Variants in B3GALNT2 observed in about 807,000 individuals in gnomAD.
The protein encoded by B3GALNT2 is beta-1,3-N-acetylgalactosaminyltransferase 2.
Under a neutral mutation model 61.1 loss-of-function variants are expected in B3GALNT2, and 53 were observed. The observed-to-expected ratio is 0.87, with a 90% CI of 0.70 to 1.09. B3GALNT2 has a LOEUF of 1.09. Ranked by LOEUF, B3GALNT2 falls within the 50% of genes least tolerant of loss-of-function variation. The pLI, the probability that B3GALNT2 is intolerant of heterozygous loss-of-function variation, is 0.00. For missense variants in B3GALNT2, 544 were observed against 623.0 expected, an observed-to-expected ratio of 0.87 and a Z score of 1.35; for synonymous variants, 223 against 237.4, an observed-to-expected ratio of 0.94 and a Z score of 0.56.
In B3GALNT2 at chr1:235,458,771, AAG is replaced by A; in HGVS notation, c.855_856del (p.Leu286ThrfsTer12). On this transcript the variant is annotated frameshift_variant, in exon 8 of 12. Transcript: ENST00000366600. LOFTEE classifies it high-confidence loss of function. ...TTGAGGGCGAGAATGAAGGTTGTGT[AAG>A]AGAGCATCACCTTCTATAAAGGAAA... 1 of 1,595,528 alleles carries A rather than the reference AAG, an allele frequency of 6.3e-7. No individual in the cohort carries two copies. Among genetic ancestry groups the A allele is most frequent in the Non-Finnish European group, 8.5e-7 (1 of 1,173,654 alleles).
chr1:235,496,359 T>C, intron 1 of B3GALNT2: 2 of 981,106 alleles, frequency 2.0e-6, no homozygotes, highest in Non-Finnish European at 2.5e-6. Flanking sequence ...GTATTTATTA[T>C]TTCACTCTAC....
At chr1:235,498,721 G>A (rs1256641395) in intron 1 of B3GALNT2, among the ~76,000 whole-genome samples, 1 of 151,764 alleles carries the variant, frequency 6.6e-6, no homozygotes, top group Non-Finnish European at 1.5e-5. Flanking sequence ...GTGCATGCCT[G>A]TAATCCCAGC....
intron 7 of B3GALNT2, 141 bp downstream of exon 7, chr1:235,465,495 C>A: frequency 7.7e-7 from 1 of 1,301,664 alleles, no homozygotes; most frequent in Non-Finnish European, 1.0e-6. Flanking sequence ...ACACTAAAAC[C>A]ACTGAACCAC....
At chr1:235,492,608 A>G (rs572329345) in intron 2 of B3GALNT2, among the ~76,000 whole-genome samples, 125 of 152,320 alleles carry the variant, frequency 8.2e-4, no homozygotes, top group African/African-American at 2.8e-3. Flanking sequence ...TGAAGCCCCA[A>G]TGCTCATGAA....
At chr1:235,442,817 A>T (rs374630204), downstream of B3GALNT2, 3 of 1,594,524 alleles carry the variant, frequency 1.9e-6, no homozygotes, top group Non-Finnish European at 1.7e-6. Context: ...ATAATAGTAG[A>T]TATCAATTAG....
intron 4 of B3GALNT2, among the ~76,000 whole-genome samples, chr1:235,480,609 T>TA (rs1302663804): frequency 6.6e-6 from 1 of 151,598 alleles, no homozygotes; most frequent in East Asian, 1.9e-4. Flanking sequence ...AAAGGGAATA[T>TA]AAAAGAGGAC....
chr1:235,478,314 G>C (rs776232439), intron 5 of B3GALNT2, among the ~76,000 whole-genome samples: 1 of 152,188 alleles, frequency 6.6e-6, no homozygotes, highest in African/African-American at 2.4e-5. Context: ...GCCTCCCAAA[G>C]TGCTGGGATT....
At chr1:235,458,142 A>C (rs916327301) in intron 8 of B3GALNT2, among the ~76,000 whole-genome samples, 1 of 152,144 alleles carries the variant, frequency 6.6e-6, no homozygotes, top group Non-Finnish European at 1.5e-5. Context: ...TCCAGATCTC[A>C]AGTGATCTGC....
chr1:235,489,252 T>C lies in B3GALNT2; in HGVS notation c.277A>G (p.Ile93Val). 2.5e-6 allele frequency: 4 copies of C among 1,613,918 alleles called. No individual in the cohort carries two copies. The highest frequency in any genetic ancestry group is 1.6e-4 in the Middle Eastern group (1 of 6,062). ...ACTTCACAGCCATGAGCACCTATTATGAACTTCACAAGCACACTGAGAGAT... is the reference window on the plus strand; with the variant it reads ...ACTTCACAGCCATGAGCACCTATTACGAACTTCACAAGCACACTGAGAGAT... ...TLSQRVLVKF[I>V]IGAHGCEVPV... Residue 93 changes from isoleucine to valine, a missense_variant, in exon 3 of 12, where the codon ATA (isoleucine) becomes GTA (valine). Coordinates refer to ENST00000366600, the MANE Select transcript of B3GALNT2 (RefSeq NM_152490.5).
downstream of B3GALNT2, among the ~76,000 whole-genome samples, chr1:235,445,909 T>A (rs1682234958): frequency 1.3e-5 from 2 of 152,190 alleles, no homozygotes; most frequent in Admixed American, 1.3e-4. Context: ...CAAGGCACTG[T>A]CGTGTGTCAC....
At chr1:235,457,307 CAGA>C (rs1683214383) in intron 8 of B3GALNT2, among the ~76,000 whole-genome samples, 2 of 151,836 alleles carry the variant, frequency 1.3e-5, no homozygotes, top group Admixed American at 6.6e-5. Context: ...CACCAAGGAA[CAGA>C]AGAAGGTTTT....
At chr1:235,442,833 T>A (rs1345668612), downstream of B3GALNT2, 1 of 1,612,772 alleles carries the variant, frequency 6.2e-7, no homozygotes, top group Non-Finnish European at 8.5e-7. Context: ...ATTAGTCTTT[T>A]TCTTTGTTTC....
intron 6 of B3GALNT2, among the ~76,000 whole-genome samples, chr1:235,470,643 G>A (rs542192815): frequency 1.3e-5 from 2 of 151,018 alleles, no homozygotes; most frequent in Non-Finnish European, 2.9e-5. Context: ...AAGCAAAACT[G>A]TAAACTCACT....
At chr1:235,442,280 C>T (rs546576951), downstream of B3GALNT2, among the ~76,000 whole-genome samples, 191 of 152,312 alleles carry the variant, frequency 1.3e-3, 1 homozygote, top group African/African-American at 4.2e-3. Flanking sequence ...AAGCGATTTT[C>T]GTGCCTTAGC....
Position 235,490,008 on chromosome 1 carries a change from C to T in B3GALNT2, c.261-740G>A, listed in dbSNP as rs141088880. Reference sequence around the variant, plus strand: ...TGGTTTCTCTACGGCTTAATACTGCCCAGCTCCCTAAAATGCTCTCTTCCC... The same window carrying T: ...TGGTTTCTCTACGGCTTAATACTGCTCAGCTCCCTAAAATGCTCTCTTCCC... On this transcript the variant is annotated intron_variant, in intron 2 of 11. Coordinates refer to ENST00000366600, the MANE Select transcript of B3GALNT2 (RefSeq NM_152490.5). 1.1e-4 allele frequency among the ~76,000 whole-genome samples: 16 copies of T among 152,242 alleles called. No homozygotes were observed. In the East Asian group the frequency reaches 3.1e-3, roughly 29 times the overall value.
In B3GALNT2 at chr1:235,449,185, T is replaced by G. The variant is rs958624997; in HGVS notation, c.*1021A>C. The G allele has an allele frequency of 4.0e-6, 1 of 248,428 alleles. No homozygotes were observed. The highest frequency in any genetic ancestry group is 7.9e-6 in the Non-Finnish European group (1 of 126,554). 15.4% of individuals were successfully genotyped at this position (248,428 alleles called of 1,614,324 possible). A position where few individuals can be genotyped will look rare whatever the true frequency, so the allele number is the denominator to read the frequency against. On this transcript the variant is annotated 3_prime_UTR_variant, in exon 12 of 12. Coordinates refer to ENST00000366600, the MANE Select transcript of B3GALNT2 (RefSeq NM_152490.5). ...GGTTGGTCATTTTGGGAAATGTCCC[T>G]TAAACTTGGGGAGACATCCTCTACT...
chr1:235,461,757 C>T (rs996074211), intron 7 of B3GALNT2, among the ~76,000 whole-genome samples: 1 of 152,064 alleles, frequency 6.6e-6, no homozygotes, highest in African/African-American at 2.4e-5. Flanking sequence ...CCTCGTGATC[C>T]ACCTGCCTTG....
Position 235,449,693 on chromosome 1 carries a change from A to C in B3GALNT2, c.*513T>G, listed in dbSNP as rs903530876. 13 of 152,542 alleles carry C rather than the reference A, an allele frequency of 8.5e-5. No individual in the cohort carries two copies. Among genetic ancestry groups the C allele is most frequent in the African/African-American group, 2.9e-4 (12 of 41,458 alleles). 9.4% of individuals were successfully genotyped at this position (152,542 alleles called of 1,614,324 possible). ...CACAAAATCTGACATTATTTCCAGA[A>C]ACCCCAAACTTTGGTATAAGTGACC... On this transcript the variant is annotated 3_prime_UTR_variant, in exon 12 of 12. Coordinates refer to ENST00000366600, the MANE Select transcript of B3GALNT2 (RefSeq NM_152490.5).
rs1473593257 is a variant in B3GALNT2, at chr1:235,504,435, C to A, written c.-183G>T. Reference sequence around the variant, plus strand: ...GCCCCGCTCCTCCGGTCCCTCAGACCGCGGGTGGCCGCGGCTTAGCCGGCC... The same window carrying A: ...GCCCCGCTCCTCCGGTCCCTCAGACAGCGGGTGGCCGCGGCTTAGCCGGCC... On this transcript the variant is annotated 5_prime_UTR_variant, in exon 1 of 12. Transcript: ENST00000366600. 3.6e-6 allele frequency: 2 copies of A among 563,190 alleles called. No homozygotes were observed. Among genetic ancestry groups the A allele is most frequent in the South Asian group, 2.9e-5 (1 of 34,468 alleles). The allele number at this position is 563,190 out of a possible 1,614,324, so 34.9% of individuals were successfully genotyped here.
Sources: gnomAD v4.1 joint callset for allele counts (sites outside exome capture counted in the v4.1 genomes callset) on GRCh38, gnomAD v4.1.1 for gene constraint, MANE v1.5 for transcripts, NCBI Gene and HGNC (gene_info 2026-07-23, HGNC 2026-07-21) for gene names.